Variants in DENND2A observed in about 807,000 individuals in gnomAD.
The protein encoded by DENND2A is DENN domain-containing protein 2A.
A neutral mutation model predicts 105.3 loss-of-function variants in DENND2A; 53 were observed. That is an observed-to-expected ratio of 0.50 (90% CI 0.40 to 0.63). The LOEUF (loss-of-function observed/expected upper bound fraction) is 0.63. Among genes scored for constraint, DENND2A ranks in the 30% least tolerant of loss-of-function variants. The pLI, the probability that DENND2A is intolerant of heterozygous loss-of-function variation, is 0.00. For synonymous variants in DENND2A, 522 were observed against 508.4 expected (o/e 1.03, Z -0.36); for missense variants, 1,138 against 1,279.6 (o/e 0.89, Z 1.69).
chr7:140,525,967 T>C (rs1796040160), intron 15 of DENND2A, among the ~76,000 whole-genome samples, 175 bp from the exon 16 acceptor site: 1 of 152,164 alleles, frequency 6.6e-6, no homozygotes, highest in Non-Finnish European at 1.5e-5. Context: ...AGAGCAGGGC[T>C]GGGGAGGGTC....
At chr7:140,637,212 T>C (rs1168909397) in intron 1 of DENND2A, among the ~76,000 whole-genome samples, 1 of 150,856 alleles carries the variant, frequency 6.6e-6, no homozygotes, top group Non-Finnish European at 1.5e-5. Context: ...TCTCAAACTC[T>C]CCTCCCCAGC....
At chr7:140,622,020 A>G (rs1014513377) in intron 1 of DENND2A, among the ~76,000 whole-genome samples, 33 of 152,216 alleles carry the variant, frequency 2.2e-4, no homozygotes, top group African/African-American at 7.2e-4. Flanking sequence ...CACACAAACC[A>G]AGGCAGAATC....
chr7:140,557,563 G>T (rs1408029229), intron 11 of DENND2A, among the ~76,000 whole-genome samples: 2 of 55,510 alleles, frequency 3.6e-5, no homozygotes, highest in East Asian at 1.3e-3. Context: ...TTTTTGAGAC[G>T]GAGTTTCGCT....
intron 5 of DENND2A, among the ~76,000 whole-genome samples, chr7:140,579,225 G>A (rs1163474789): frequency 2.6e-5 from 4 of 151,506 alleles, no homozygotes; most frequent in African/African-American, 7.3e-5. Context: ...TCCCGGAGGC[G>A]GAGGTTGCAG....
intron 9 of DENND2A, 43 bp downstream of exon 9, chr7:140,567,043 G>A (rs768876239): frequency 5.9e-6 from 9 of 1,517,330 alleles, no homozygotes; most frequent in Non-Finnish European, 8.0e-6. Flanking sequence ...CAAGGTGATG[G>A]TTAGAACCCT....
chr7:140,544,772 AG>A lies in DENND2A; in HGVS notation c.2179-7del, dbSNP rs780999441. 3.5e-5 allele frequency: 55 copies of A among 1,565,506 alleles called. No homozygotes were observed. Among genetic ancestry groups the A allele is most frequent in the Non-Finnish European group, 4.2e-5 (49 of 1,154,974 alleles). On this transcript the variant is annotated splice_region_variant and splice_polypyrimidine_tract_variant and intron_variant, in intron 13 of 19. Transcript: ENST00000496613. ...GGGCGGCACAGTTCGATCACCTGCC[AG>A]GGAACAGGAGCAGCCATGAAGGAGG...
chr7:140,557,880 C>T (rs570964899), intron 11 of DENND2A, among the ~76,000 whole-genome samples: 29 of 152,090 alleles, frequency 1.9e-4, no homozygotes, highest in Admixed American at 1.3e-4. Context: ...TTTTGTTGCC[C>T]GGGCTGGTCT....
intron 3 of DENND2A, among the ~76,000 whole-genome samples, chr7:140,595,526 T>A (rs111458013): frequency 1.3e-5 from 2 of 152,092 alleles, no homozygotes; most frequent in East Asian, 1.9e-4. Context: ...CCTAGCACTT[T>A]GGTAGGCTGA....
At chr7:140,621,559 G>A (rs1338391377) in intron 1 of DENND2A, among the ~76,000 whole-genome samples, 1 of 152,120 alleles carries the variant, frequency 6.6e-6, no homozygotes, top group Non-Finnish European at 1.5e-5. Flanking sequence ...TTTTCAGTCT[G>A]TGGTTGATTG....
At chr7:140,614,737 T>C (rs1308210436) in intron 1 of DENND2A, among the ~76,000 whole-genome samples, 1 of 152,232 alleles carries the variant, frequency 6.6e-6, no homozygotes, top group Non-Finnish European at 1.5e-5. Flanking sequence ...TAGAAGTTAT[T>C]TGTTTCCAAA....
In DENND2A at chr7:140,527,998, A is replaced by G. The variant is rs1470013240; in HGVS notation, c.2328-503T>C. The stretch of plus-strand genomic sequence containing the variant: ...TGGGACTGCAGGCACGCGCCACCAC[A>G]CCTGGCTAATTTTTGCATTTTTAGT... On this transcript the variant is annotated intron_variant, in intron 14 of 19. Transcript: ENST00000496613. This position sits in a 1 kb window ranked among gnomAD's most constrained non-coding sequence, Gnocchi z 4.9. Among the ~76,000 whole-genome samples, 2 of 151,524 alleles carry G rather than the reference A, an allele frequency of 1.3e-5. No homozygotes were observed. Among genetic ancestry groups the G allele is most frequent in the African/African-American group, 4.9e-5 (2 of 41,224 alleles).
chr7:140,602,669 A>T (rs111737412), intron 2 of DENND2A, 127 bp from the exon 3 acceptor site: 69 of 202,476 alleles, frequency 3.4e-4, no homozygotes, highest in Admixed American at 6.4e-4. Flanking sequence ...AATTCCTATT[A>T]AAAAAAAAAA....
rs776974525 is a variant in DENND2A at position 140,558,164 on chromosome 7, G to A, written c.1938C>T (p.Phe646=). The A allele has an allele frequency of 1.9e-5, 30 of 1,613,460 alleles. No homozygotes were observed. The highest frequency in any genetic ancestry group is 1.8e-4 in the East Asian group (8 of 44,882). Residue 646 remains phenylalanine (F), a synonymous_variant, in exon 11 of 20, where the codon TTC becomes TTT. Coordinates refer to ENST00000496613, the MANE Select transcript of DENND2A (RefSeq NM_015689.5). ...TCACCAGCAGTCTTCGGCAGTAACC[G>A]AACCTTCTGCTCCCATCTTCTCCAG... is the stretch of plus-strand genomic sequence containing the variant. ...VLTGEDGSRR[F]GYCRRLLPGG...
At chr7:140,639,660 AC>A (rs1317105181) in intron 1 of DENND2A, among the ~76,000 whole-genome samples, 4 of 152,184 alleles carry the variant, frequency 2.6e-5, no homozygotes, top group African/African-American at 9.7e-5. Context: ...CAACTCTGTT[AC>A]CCCCAGCCCA....
intron 2 of DENND2A, among the ~76,000 whole-genome samples, chr7:140,605,087 A>G (rs1799642798): frequency 6.6e-6 from 1 of 152,206 alleles, no homozygotes; most frequent in Non-Finnish European, 1.5e-5. Context: ...CACTGGATTT[A>G]CAAAACTCAC....
At chr7:140,586,222 GA>G (rs1223020740) in intron 4 of DENND2A, among the ~76,000 whole-genome samples, 1 of 152,008 alleles carries the variant, frequency 6.6e-6, no homozygotes, top group Non-Finnish European at 1.5e-5. Context: ...TGAGAGGTAA[GA>G]AATGGAGGAA....
At chr7:140,549,813 T>C (rs1797047973) in intron 12 of DENND2A, among the ~76,000 whole-genome samples, 1 of 152,126 alleles carries the variant, frequency 6.6e-6, no homozygotes, top group Non-Finnish European at 1.5e-5. Flanking sequence ...CCTAGCAGAA[T>C]AATTCACAAT....
At chr7:140,526,912 G>A (rs1796074254) in intron 15 of DENND2A, among the ~76,000 whole-genome samples, 1 of 152,140 alleles carries the variant, frequency 6.6e-6, no homozygotes, top group Non-Finnish European at 1.5e-5. Context: ...TGCTAAACTG[G>A]ACACCCAGAA....
At chr7:140,593,187 C>T (rs548156340) in intron 3 of DENND2A, among the ~76,000 whole-genome samples, 5 of 152,302 alleles carry the variant, frequency 3.3e-5, no homozygotes, top group African/African-American at 7.2e-5. Context: ...AACATTCATT[C>T]CACATCCCGC....
Sources: allele counts gnomAD v4.1 joint callset (sites outside exome capture counted in the v4.1 genomes callset), GRCh38; gene constraint gnomAD v4.1.1; non-coding constraint Gnocchi (gnomAD v3.1); transcripts MANE v1.5; gene names NCBI Gene and HGNC (gene_info 2026-07-23, HGNC 2026-07-21).